CELF1: variants seen among roughly 807,000 people sequenced by gnomAD.
CELF1 encodes 50 kDa nuclear polyadenylated RNA-binding protein.
CELF1 carries 10 observed loss-of-function variants against 61.8 expected under a neutral mutation model. The ratio of observed to expected loss-of-function variants is 0.16; its 90% CI spans 0.10 to 0.27. CELF1 has a LOEUF of 0.27. Ranked by LOEUF, CELF1 falls within the 10% of genes least tolerant of loss-of-function variation. The pLI is 1.00. For missense variants in CELF1, 380 were observed against 639.1 expected, an observed-to-expected ratio of 0.59 and a Z score of 4.37; for synonymous variants, 236 against 225.1, an observed-to-expected ratio of 1.05 and a Z score of -0.43.
chr11:47,491,983 C>T (rs1165399200), intron 3 of CELF1, among the ~76,000 whole-genome samples: 1 of 152,132 alleles, frequency 6.6e-6, no homozygotes, highest in Non-Finnish European at 1.5e-5. Flanking sequence ...GATTAATACG[C>T]CTTTTTCTTT....
chr11:47,515,025 C>T (rs1383995021), intron 1 of CELF1: 1 of 152,194 alleles, frequency 6.6e-6, no homozygotes, highest in African/African-American at 2.4e-5. Context: ...TCTATAGTTC[C>T]TGTTTCTTTA....
intron 1 of CELF1, among the ~76,000 whole-genome samples, chr11:47,531,394 C>T (rs2096468515): frequency 6.6e-6 from 1 of 152,020 alleles, no homozygotes; most frequent in African/African-American, 2.4e-5. Context: ...ATGGTGAAAC[C>T]CCATCTCTAC....
intron 2 of CELF1, among the ~76,000 whole-genome samples, chr11:47,563,792 G>A (rs987205427): frequency 2.0e-5 from 3 of 151,556 alleles, no homozygotes; most frequent in Non-Finnish European, 4.4e-5. Context: ...AGGCCGAGGG[G>A]GACGGATCTC....
chr11:47,536,460 A>T (rs921949042), intron 1 of CELF1, among the ~76,000 whole-genome samples: 2 of 152,116 alleles, frequency 1.3e-5, no homozygotes, highest in Non-Finnish European at 2.9e-5. Flanking sequence ...AAAGCTTTTT[A>T]AAAAACTGCA....
chr11:47,483,984 T>C (rs889915815), intron 7 of CELF1, among the ~76,000 whole-genome samples: 2 of 152,090 alleles, frequency 1.3e-5, no homozygotes, highest in Non-Finnish European at 2.9e-5. Context: ...CTCTTTATCT[T>C]GACTGGGCCA....
chr11:47,536,351 G>C (rs895544930), intron 1 of CELF1, among the ~76,000 whole-genome samples: 40 of 152,292 alleles, frequency 2.6e-4, no homozygotes, highest in Admixed American at 6.5e-4. Flanking sequence ...GGGCGACAAG[G>C]CGAGATTGTC....
At chr11:47,486,954 GA>G (rs2087726684) in intron 5 of CELF1, among the ~76,000 whole-genome samples, 156 bp from the exon 6 acceptor site, 1 of 152,206 alleles carries the variant, frequency 6.6e-6, no homozygotes, top group African/African-American at 2.4e-5. Flanking sequence ...TGTGAGTCAA[GA>G]AGTCAAAATA....
At chr11:47,544,027 T>C (rs2096873256) in intron 1 of CELF1, among the ~76,000 whole-genome samples, 1 of 152,206 alleles carries the variant, frequency 6.6e-6, no homozygotes, top group Non-Finnish European at 1.5e-5. Context: ...AAATAGTGAA[T>C]ATGAAATCTA....
At chr11:47,550,408 G>A (rs2097107936) in intron 1 of CELF1, among the ~76,000 whole-genome samples, 1 of 152,010 alleles carries the variant, frequency 6.6e-6, no homozygotes, top group Admixed American at 6.6e-5. Flanking sequence ...GTGGGCGCCT[G>A]TAATCACAGC....
intron 1 of CELF1, among the ~76,000 whole-genome samples, chr11:47,521,630 A>G (rs1239340971): frequency 6.6e-6 from 1 of 152,236 alleles, no homozygotes; most frequent in Admixed American, 6.5e-5. Flanking sequence ...TATACATGTA[A>G]AGCATTTAGA....
Position 47,466,533 on chromosome 11 carries a change from C to A in CELF1, c.*5697G>T, listed in dbSNP as rs1345581516. 2.0e-5 allele frequency: 3 copies of A among 151,892 alleles called. No individual in the cohort carries two copies. Among genetic ancestry groups the A allele is most frequent in the Non-Finnish European group, 2.9e-5 (2 of 67,994 alleles). 9.4% of individuals were successfully genotyped at this position (151,892 alleles called of 1,614,324 possible). ...AACGTTTGTACCAATAAAAAACTCACACAGGTTTGTCTCCAAAATGTAAAG... is the reference window on the plus strand; with the variant it reads ...AACGTTTGTACCAATAAAAAACTCAAACAGGTTTGTCTCCAAAATGTAAAG... On this transcript the variant is annotated 3_prime_UTR_variant, in exon 15 of 15. Coordinates refer to ENST00000687097, the MANE Select transcript of CELF1 (RefSeq NM_001376376.1).
intron 2 of CELF1, among the ~76,000 whole-genome samples, chr11:47,558,421 G>A (rs1401113973): frequency 7.4e-6 from 1 of 134,622 alleles, no homozygotes; most frequent in Non-Finnish European, 1.5e-5. Flanking sequence ...AGCATTAGAT[G>A]AAACCCTCAT....
intron 1 of CELF1, among the ~76,000 whole-genome samples, chr11:47,505,643 CAAAA>C (rs112777088): frequency 8.1e-6 from 1 of 123,544 alleles, no homozygotes; most frequent in Non-Finnish European, 1.7e-5. Flanking sequence ...ACTCTGTCTC[CAAAA>C]AAAAAAAAAA....
At chr11:47,532,963 T>A (rs1223041636) in intron 1 of CELF1, among the ~76,000 whole-genome samples, 1 of 152,232 alleles carries the variant, frequency 6.6e-6, no homozygotes, top group Non-Finnish European at 1.5e-5. Flanking sequence ...GTTCTTGCTA[T>A]ACTGGCTTTT....
Position 47,553,081 on chromosome 11 carries a change from G to T in CELF1, c.-243C>A. Reference sequence around the variant, plus strand: ...CGCCTCGCTGCTGAGGCCGAATCCCGGGGGAGCCTCCGCGTCCCGCCGCCG... The same window carrying T: ...CGCCTCGCTGCTGAGGCCGAATCCCTGGGGAGCCTCCGCGTCCCGCCGCCG... On this transcript the variant is annotated 5_prime_UTR_variant, in exon 1 of 15. Transcript: ENST00000687097. The T allele has an allele frequency of 2.5e-6, 1 of 399,832 alleles. No homozygotes were observed. The highest frequency in any genetic ancestry group is 4.4e-6 in the Non-Finnish European group (1 of 227,262). 24.8% of individuals were successfully genotyped at this position (399,832 alleles called of 1,614,324 possible). A position where few individuals can be genotyped will look rare whatever the true frequency, so the allele number is the denominator to read the frequency against.
chr11:47,491,009 G>A (rs1427908703), intron 3 of CELF1, among the ~76,000 whole-genome samples: 1 of 151,142 alleles, frequency 6.6e-6, no homozygotes, highest in Non-Finnish European at 1.5e-5. Flanking sequence ...TTACAGGCGC[G>A]TGTCACCATG....
intron 1 of CELF1, among the ~76,000 whole-genome samples, chr11:47,542,070 C>A (rs968234300): frequency 6.6e-6 from 1 of 152,080 alleles, no homozygotes; most frequent in Non-Finnish European, 1.5e-5. Flanking sequence ...GTGGAGAGTT[C>A]TTTCTAAAGC....
upstream of CELF1, among the ~76,000 whole-genome samples, chr11:47,553,818 A>ATT (rs34706651): frequency 2.6e-4 from 39 of 148,520 alleles, no homozygotes; most frequent in Middle Eastern, 3.4e-3. Flanking sequence ...ATATATATAT[A>ATT]TTTTTTTTTC....
intron 1 of CELF1, among the ~76,000 whole-genome samples, chr11:47,502,479 A>C (rs777825163): frequency 2.0e-5 from 3 of 152,182 alleles, no homozygotes; most frequent in Non-Finnish European, 2.9e-5. Context: ...AATTAAAAGA[A>C]AGTTATTCAC....
Sources: gnomAD v4.1 joint callset for allele counts (sites outside exome capture counted in the v4.1 genomes callset) on GRCh38, gnomAD v4.1.1 for gene constraint, MANE v1.5 for transcripts, NCBI Gene and HGNC (gene_info 2026-07-23, HGNC 2026-07-21) for gene names.